The following MATN2 variants were observed in gnomAD, a reference collection of about 807,000 sequenced individuals.
MATN2 encodes the protein matrilin-2.
Under a neutral mutation model 103.2 loss-of-function variants are expected in MATN2, and 69 were observed. That is an observed-to-expected ratio of 0.67 (90% CI 0.55 to 0.82). The LOEUF is 0.82. Among genes scored for constraint, MATN2 ranks in the 40% least tolerant of loss-of-function variants. The pLI, the probability that MATN2 is intolerant of heterozygous loss-of-function variation, is 0.00. For missense variants in MATN2, 1,023 were observed against 1,211.5 expected (o/e 0.84, Z 2.31); for synonymous variants, 429 against 450.2 (o/e 0.95, Z 0.60).
chr8:98,000,596 C>CAAAAAAAAAAAAAA (rs67682756), intron 7 of MATN2, among the ~76,000 whole-genome samples: 30 of 49,610 alleles, frequency 6.0e-4, no homozygotes, highest in Admixed American at 7.7e-4. Context: ...GACTCCGTCT[C>CAAAAAAAAAAAAAA]AAAAAAAAAA....
chr8:97,964,615 TG>T (rs1390886851), intron 5 of MATN2, among the ~76,000 whole-genome samples: 2 of 152,056 alleles, frequency 1.3e-5, no homozygotes, highest in African/African-American at 4.8e-5. Flanking sequence ...ATTTATTTTT[TG>T]TAGAGACAGG....
intron 5 of MATN2, among the ~76,000 whole-genome samples, chr8:97,975,315 ATACTC>A (rs1811799193): frequency 1.3e-5 from 2 of 152,210 alleles, no homozygotes; most frequent in Admixed American, 6.5e-5. Context: ...GCCAATTTGG[ATACTC>A]TATTCTATAA....
chr8:98,027,324 G>A lies in MATN2; in HGVS notation c.1943-92G>A, dbSNP rs1813842564. On this transcript the variant is annotated intron_variant, in intron 13 of 18. Coordinates refer to ENST00000254898, the MANE Select transcript of MATN2 (RefSeq NM_002380.5). ...AGAACAAAACTGGTTCCCCAAAGTGGTTATGCCTCCAATTGAAGCATCATT... is the reference window on the plus strand; with the variant it reads ...AGAACAAAACTGGTTCCCCAAAGTGATTATGCCTCCAATTGAAGCATCATT... 2.6e-6 allele frequency: 3 copies of A among 1,171,928 alleles called. No homozygotes were observed. In the Admixed American group the frequency reaches 6.7e-5, roughly 26 times the overall value. The allele number at this position is 1,171,928 out of a possible 1,614,324, so 72.6% of individuals were successfully genotyped here. A position where few individuals can be genotyped will look rare whatever the true frequency, so the allele number is the denominator to read the frequency against.
At chr8:98,016,775 A>G (rs1273681599) in intron 11 of MATN2, 113 bp downstream of exon 11, 1 of 1,296,726 alleles carries the variant, frequency 7.7e-7, no homozygotes. Flanking sequence ...ACACAGCAAA[A>G]TGTAATGTAG....
intron 6 of MATN2, among the ~76,000 whole-genome samples, chr8:97,992,619 G>A (rs537868396): frequency 2.8e-4 from 42 of 151,694 alleles, no homozygotes; most frequent in African/African-American, 9.4e-4. Flanking sequence ...AGTGGCAGGC[G>A]CCTGTAATCC....
intron 2 of MATN2, among the ~76,000 whole-genome samples, chr8:97,911,430 C>T (rs988154503): frequency 1.3e-5 from 2 of 151,948 alleles, no homozygotes; most frequent in South Asian, 2.1e-4. Flanking sequence ...AGTTATGGTC[C>T]GGGTGCCGTG....
intron 8 of MATN2, among the ~76,000 whole-genome samples, chr8:98,006,273 AT>A (rs1812965568): frequency 6.6e-6 from 1 of 152,230 alleles, no homozygotes; most frequent in Admixed American, 6.5e-5. Flanking sequence ...TTCATGGAGA[AT>A]GACAACTCTT....
intron 2 of MATN2, among the ~76,000 whole-genome samples, chr8:97,914,502 C>T (rs1296444224): frequency 1.3e-5 from 2 of 150,758 alleles, no homozygotes; most frequent in Non-Finnish European, 2.9e-5. Context: ...TCCCATGTAG[C>T]GAGGACTACA....
chr8:97,939,389 A>G (rs1810479694), intron 3 of MATN2, among the ~76,000 whole-genome samples: 1 of 152,168 alleles, frequency 6.6e-6, no homozygotes, highest in South Asian at 2.1e-4. Flanking sequence ...AAACAAACAA[A>G]CAAAAAAACC....
intron 3 of MATN2, among the ~76,000 whole-genome samples, chr8:97,938,381 G>A (rs1253449868): frequency 1.3e-5 from 2 of 152,320 alleles, no homozygotes; most frequent in East Asian, 1.9e-4. Context: ...AGTTTTGAGG[G>A]GATGGGAATC....
intron 13 of MATN2, among the ~76,000 whole-genome samples, chr8:98,024,303 A>G (rs1255316856): frequency 6.6e-6 from 1 of 152,150 alleles, no homozygotes; most frequent in Non-Finnish European, 1.5e-5. Flanking sequence ...TCAGGAGTTC[A>G]AGACCAGCCT....
intron 1 of MATN2, among the ~76,000 whole-genome samples, chr8:97,878,352 C>T (rs1224418099): frequency 6.6e-6 from 1 of 152,032 alleles, no homozygotes; most frequent in African/African-American, 2.4e-5. Flanking sequence ...TCATTGAGCC[C>T]AGGAGCTCAC....
At position 97,916,063 on chromosome 8, in the gene MATN2, T is replaced by TTTA. The variant is rs1809618833; in HGVS notation, c.143-14887_143-14885dup. Among the ~76,000 whole-genome samples the TTTA allele has an allele frequency of 1.3e-5, 2 of 151,292 alleles. 1 individual carries two copies. The highest frequency in any genetic ancestry group is 2.9e-5 in the Non-Finnish European group (2 of 67,900). On this transcript the variant is annotated intron_variant, in intron 2 of 18. Transcript: ENST00000254898. ...TGGTTTTTATTTTATTTTATTTTATTTTATTTTATTTTATTTTATTTTTTG... is the reference window on the plus strand; with the variant it reads ...TGGTTTTTATTTTATTTTATTTTATTTTATTATTTTATTTTATTTTATTTTTTG...
chr8:98,007,084 T>C lies in MATN2; in HGVS notation c.1328-21T>C, dbSNP rs1218897124. 5 of 1,593,728 alleles carry C rather than the reference T, an allele frequency of 3.1e-6. No homozygotes were observed. Among genetic ancestry groups the C allele is most frequent in the Non-Finnish European group, 4.3e-6 (5 of 1,169,526 alleles). ...ATTGCCCCCTCGGCTCCTCTATGCTTTCGCGTGTGTGAAAATGCAGGAGTG... is the reference window on the plus strand; with the variant it reads ...ATTGCCCCCTCGGCTCCTCTATGCTCTCGCGTGTGTGAAAATGCAGGAGTG... On this transcript the variant is annotated intron_variant, in intron 8 of 18. Coordinates refer to ENST00000254898, the MANE Select transcript of MATN2 (RefSeq NM_002380.5). The surrounding 1 kb of genome is among the most constrained non-coding windows in gnomAD (Gnocchi z 4.2).
chr8:97,903,274 A>G (rs776408120), intron 2 of MATN2, among the ~76,000 whole-genome samples: 2 of 151,822 alleles, frequency 1.3e-5, no homozygotes, highest in African/African-American at 2.4e-5. Context: ...TTCGTGGCAT[A>G]GGAACACTAT....
chr8:97,919,133 C>T (rs1024947114), intron 2 of MATN2, among the ~76,000 whole-genome samples: 1 of 152,074 alleles, frequency 6.6e-6, no homozygotes, highest in African/African-American at 2.4e-5. Context: ...TTTTCTAGAC[C>T]CTTGGCAGAT....
chr8:98,020,105 G>A (rs1221532050), intron 12 of MATN2, among the ~76,000 whole-genome samples: 1 of 152,030 alleles, frequency 6.6e-6, no homozygotes, highest in African/African-American at 2.4e-5. Flanking sequence ...CTATAATTCT[G>A]CCCATTGTGC....
chr8:97,990,619 G>C (rs1009972663), intron 6 of MATN2, among the ~76,000 whole-genome samples: 5 of 152,200 alleles, frequency 3.3e-5, no homozygotes, highest in Non-Finnish European at 4.4e-5. Flanking sequence ...TAATCACATA[G>C]TGAAATACTA....
intron 2 of MATN2, among the ~76,000 whole-genome samples, chr8:97,895,782 T>G (rs765645982): frequency 7.2e-5 from 11 of 152,182 alleles, no homozygotes; most frequent in Non-Finnish European, 1.6e-4. Context: ...GAGCAAACAC[T>G]GTAAGGTAAT....
Sources: allele counts gnomAD v4.1 joint callset (sites outside exome capture counted in the v4.1 genomes callset), GRCh38; gene constraint gnomAD v4.1.1; non-coding constraint Gnocchi (gnomAD v3.1); transcripts MANE v1.5; gene names NCBI Gene and HGNC (gene_info 2026-07-23, HGNC 2026-07-21).